The following MARCO variants were observed in gnomAD, a reference collection of about 807,000 sequenced individuals.
MARCO encodes the protein macrophage receptor MARCO.
In MARCO, 72 loss-of-function variants were observed where a neutral mutation model predicts 70.0. The observed-to-expected ratio is 1.03, with a 90% CI of 0.85 to 1.25. The LOEUF (loss-of-function observed/expected upper bound fraction) is 1.25, where lower values mean the gene tolerates loss of function less well. Among genes scored for constraint, MARCO ranks in the 50% most tolerant of loss-of-function variants. MARCO has a pLI of 0.00. For missense variants in MARCO, 696 were observed against 659.3 expected (o/e 1.06, Z -0.61); for synonymous variants, 273 against 243.1 (o/e 1.12, Z -1.14).
intron 1 of MARCO, among the ~76,000 whole-genome samples, chr2:118,946,396 T>G (rs564624764): frequency 1.3e-4 from 20 of 152,350 alleles, no homozygotes; most frequent in African/African-American, 4.3e-4. Flanking sequence ...TTTGCCATTT[T>G]GGGAATGTTA....
chr2:118,963,513 C>G (rs7564979), intron 1 of MARCO, among the ~76,000 whole-genome samples: 27,886 of 151,534 alleles, frequency 0.18, 3,364 homozygotes, highest in African/African-American at 0.33. Context: ...CCTAGGATAT[C>G]ATCTATTTTG....
In MARCO at chr2:118,977,583, AC is replaced by A. The variant is rs1183744948; in HGVS notation, c.658+74del. On this transcript the variant is annotated intron_variant, in intron 7 of 16. Coordinates refer to ENST00000327097, the MANE Select transcript of MARCO (RefSeq NM_006770.4). ...TGAGGCACTGAGGCAGTTCCCCCCC[AC>A]CCCCCATCCTCTTTCCACAGCCCCA... The A allele has an allele frequency of 5.1e-5, 46 of 900,718 alleles. No homozygotes were observed. In the South Asian group the frequency reaches 6.4e-4, roughly 13 times the overall value. 55.8% of individuals were successfully genotyped at this position (900,718 alleles called of 1,614,324 possible). A position where few individuals can be genotyped will look rare whatever the true frequency, so the allele number is the denominator to read the frequency against.
rs1294418032 is a variant in MARCO, at chr2:118,958,601, G to A, written c.98-10559G>A. On this transcript the variant is annotated intron_variant, in intron 1 of 16. Transcript: ENST00000327097. ...ACTGCCAAAAGCAATCTACAAATTC[G>A]ATGCAATCCCCATCAAAATACCACC... 1.6e-4 allele frequency among the ~76,000 whole-genome samples: 25 copies of A among 151,972 alleles called. 1 individual carries two copies. Among genetic ancestry groups the A allele is most frequent in the Non-Finnish European group, 3.4e-4 (23 of 67,846 alleles).
At chr2:118,957,236 T>C (rs115458380) in intron 1 of MARCO, among the ~76,000 whole-genome samples, 534 of 152,044 alleles carry the variant, frequency 3.5e-3, no homozygotes, top group African/African-American at 0.012. Flanking sequence ...GATAGACCGT[T>C]AACAAGATAA....
At chr2:118,965,644 A>G (rs1039604763) in intron 1 of MARCO, among the ~76,000 whole-genome samples, 3 of 152,178 alleles carry the variant, frequency 2.0e-5, no homozygotes, top group Non-Finnish European at 4.4e-5. Context: ...TTTGTATAGT[A>G]TGTTAGGAGA....
chr2:118,951,937 C>G (rs1319963409), intron 1 of MARCO, among the ~76,000 whole-genome samples: 1 of 151,976 alleles, frequency 6.6e-6, no homozygotes, highest in Non-Finnish European at 1.5e-5. Context: ...CTCCGCCTCT[C>G]TCTCTTTCTC....
Position 118,990,513 on chromosome 2 carries a change from G to C in MARCO, c.1064-76G>C. On this transcript the variant is annotated intron_variant, in intron 12 of 16. Coordinates refer to ENST00000327097, the MANE Select transcript of MARCO (RefSeq NM_006770.4). Reference sequence around the variant, plus strand: ...TGCATTAATCAGACAAAAGGTAGAGGTTGTCTAAGATTAAAAATGTCTAAT... The same window carrying C: ...TGCATTAATCAGACAAAAGGTAGAGCTTGTCTAAGATTAAAAATGTCTAAT... 2.1e-6 allele frequency: 3 copies of C among 1,411,472 alleles called. No individual in the cohort carries two copies. The South Asian group carries it at 3.5e-5, about 17-fold the overall frequency. The allele number at this position is 1,411,472 out of a possible 1,614,324, so 87.4% of individuals were successfully genotyped here.
Position 118,942,413 on chromosome 2 carries a change from C to G in MARCO, c.97+16C>G. On this transcript the variant is annotated intron_variant, in intron 1 of 16. Transcript: ENST00000327097. ...GAAATCAATGGTAAAGTACGATTCC[C>G]CAATAATGGAAATGACCAGAAATGT... 1 of 1,574,740 alleles carries G rather than the reference C, an allele frequency of 6.4e-7. No homozygotes were observed. Among genetic ancestry groups the G allele is most frequent in the Non-Finnish European group, 8.7e-7 (1 of 1,144,552 alleles).
At chr2:118,948,111 A>G (rs1246883307) in intron 1 of MARCO, among the ~76,000 whole-genome samples, 1 of 152,240 alleles carries the variant, frequency 6.6e-6, no homozygotes, top group South Asian at 2.1e-4. Flanking sequence ...ATTGTTAGAA[A>G]TAGATAATTG....
intron 1 of MARCO, among the ~76,000 whole-genome samples, chr2:118,948,584 A>G (rs910472409): frequency 6.6e-6 from 1 of 152,262 alleles, no homozygotes; most frequent in African/African-American, 2.4e-5. Context: ...CATTTCCAAC[A>G]CTCACAATTT....
chr2:118,963,335 C>T (rs1375523717), intron 1 of MARCO, among the ~76,000 whole-genome samples: 1 of 151,106 alleles, frequency 6.6e-6, no homozygotes, highest in African/African-American at 2.4e-5. Flanking sequence ...TTGATGCTTT[C>T]TTAATGACCC....
chr2:118,949,449 GT>G (rs1679675901), intron 1 of MARCO: 1 of 152,224 alleles, frequency 6.6e-6, no homozygotes, highest in Admixed American at 6.5e-5. Context: ...GCGAGTCATA[GT>G]TTGATTTTGT....
At chr2:118,993,443 C>T in intron 16 of MARCO, 143 bp downstream of exon 16, 1 of 742,278 alleles carries the variant, frequency 1.3e-6, no homozygotes. Context: ...CTCTGCAGTG[C>T]AGGGCTCCAG....
intron 1 of MARCO, among the ~76,000 whole-genome samples, chr2:118,953,687 G>A (rs1332014614): frequency 6.6e-6 from 1 of 152,150 alleles, no homozygotes; most frequent in Non-Finnish European, 1.5e-5. Context: ...CAGACCCTCT[G>A]AAGGAAGTGG....
At position 118,946,737 on chromosome 2, in the gene MARCO, C is replaced by T. The variant is rs190292686; in HGVS notation, c.97+4340C>T. ...TGTGTTTGGTTTTACAAGAAGTAGTCGATATATTTTCCAGTGTGACTATAC... is the reference window on the plus strand; with the variant it reads ...TGTGTTTGGTTTTACAAGAAGTAGTTGATATATTTTCCAGTGTGACTATAC... On this transcript the variant is annotated intron_variant, in intron 1 of 16. Coordinates refer to ENST00000327097, the MANE Select transcript of MARCO (RefSeq NM_006770.4). 5.3e-5 allele frequency among the ~76,000 whole-genome samples: 8 copies of T among 152,262 alleles called. No homozygotes were observed. The South Asian group carries it at 6.2e-4, about 12-fold the overall frequency.
At chr2:118,950,637 C>T (rs1679704558) in intron 1 of MARCO, among the ~76,000 whole-genome samples, 1 of 152,288 alleles carries the variant, frequency 6.6e-6, no homozygotes, top group African/African-American at 2.4e-5. Context: ...CATAAATTCC[C>T]TTTTATAATT....
chr2:118,992,395 T>C (rs1200077272), intron 14 of MARCO, 37 bp from the exon 15 acceptor site: 2 of 1,602,334 alleles, frequency 1.2e-6, no homozygotes, highest in African/African-American at 2.7e-5. Context: ...CCTGCCTGGG[T>C]TTCTTTCAAA....
At chr2:118,952,949 G>A (rs1270326557) in intron 1 of MARCO, 2 of 152,212 alleles carry the variant, frequency 1.3e-5, no homozygotes, top group East Asian at 1.9e-4. Context: ...TGCAGAAAGG[G>A]TGCTCAATTG....
intron 6 of MARCO, among the ~76,000 whole-genome samples, chr2:118,975,978 A>G (rs947000381): frequency 2.6e-5 from 4 of 152,072 alleles, no homozygotes; most frequent in African/African-American, 9.7e-5. Context: ...CTCAGAGGGG[A>G]GTGGGTCTCC....
Sources: allele counts gnomAD v4.1 joint callset (sites outside exome capture counted in the v4.1 genomes callset), GRCh38; gene constraint gnomAD v4.1.1; transcripts MANE v1.5; gene names NCBI Gene and HGNC (gene_info 2026-07-23, HGNC 2026-07-21).